KAZN: variants seen among roughly 807,000 people sequenced by gnomAD.
KAZN encodes kazrin.
In KAZN, 40 loss-of-function variants were observed where a neutral mutation model predicts 87.4. The ratio of observed to expected loss-of-function variants is 0.46; its 90% confidence interval spans 0.36 to 0.60. The LOEUF is 0.60. Ranked by LOEUF, KAZN falls within the 20% of genes least tolerant of loss-of-function variation. The probability of loss-of-function intolerance (pLI) is 0.00; values close to 1 mark genes in which losing one functional copy is unlikely to be tolerated. For missense variants in KAZN, 898 were observed against 1,073.9 expected (o/e 0.84, Z 2.29); for synonymous variants, 466 against 458.3 (o/e 1.02, Z -0.22).
chr1:14,930,898 G>A (rs1392658563), intron 1 of KAZN, among the ~76,000 whole-genome samples: 3 of 152,190 alleles, frequency 2.0e-5, no homozygotes, highest in African/African-American at 7.2e-5. Flanking sequence ...CTGTCAACAG[G>A]AGACTCTGCC....
At chr1:14,634,510 C>T (rs1161325575) in intron 1 of KAZN, among the ~76,000 whole-genome samples, 1 of 152,236 alleles carries the variant, frequency 6.6e-6, no homozygotes, top group Non-Finnish European at 1.5e-5. Flanking sequence ...CTTCTCATTT[C>T]TGATCATTCA....
intron 1 of KAZN, among the ~76,000 whole-genome samples, chr1:14,047,812 G>A (rs533215508): frequency 2.0e-5 from 3 of 151,556 alleles, no homozygotes; most frequent in African/African-American, 4.8e-5. Context: ...AGGTTGCAGT[G>A]AGCTGAGATC....
rs143724184 is a variant in KAZN at position 14,202,180 on chromosome 1, G to T, written c.249+21588G>T. On this transcript the variant is annotated intron_variant, in intron 2 of 16. Coordinates refer to the KAZN transcript ENST00000636203. ...CACACAGGGTGAGTCCTGGAGGCAG[G>T]ATTAGAACCAAGGCTGGCTCAGGAG... Among the ~76,000 whole-genome samples the T allele has an allele frequency of 5.9e-5, 9 of 152,296 alleles. No homozygotes were observed. In the East Asian group the frequency reaches 1.7e-3, roughly 29 times the overall value.
intron 1 of KAZN, among the ~76,000 whole-genome samples, chr1:14,815,374 A>G (rs1646532041): frequency 6.6e-6 from 1 of 152,226 alleles, no homozygotes; most frequent in Non-Finnish European, 1.5e-5. Context: ...AGGTTAAATA[A>G]ACACTAGACT....
intron 2 of KAZN, among the ~76,000 whole-genome samples, chr1:14,201,030 T>C (rs1002566139): frequency 4.6e-5 from 7 of 152,158 alleles, no homozygotes; most frequent in Non-Finnish European, 1.5e-5. Flanking sequence ...CCTCTCCTGG[T>C]GCATGGCCTC....
chr1:14,647,036 G>C (rs946681040), intron 1 of KAZN, among the ~76,000 whole-genome samples: 2 of 152,124 alleles, frequency 1.3e-5, no homozygotes, highest in Non-Finnish European at 2.9e-5. Flanking sequence ...ACTTGGCAGA[G>C]GAAGACCGAG....
At chr1:14,939,808 C>T (rs892422476) in intron 1 of KAZN, among the ~76,000 whole-genome samples, 3 of 152,160 alleles carry the variant, frequency 2.0e-5, no homozygotes, top group African/African-American at 7.2e-5. Flanking sequence ...GAGGTCCCTG[C>T]CAGGCTGGAC....
intron 2 of KAZN, among the ~76,000 whole-genome samples, chr1:14,484,737 A>T (rs942242089): frequency 1.3e-5 from 2 of 152,212 alleles, no homozygotes; most frequent in African/African-American, 4.8e-5. Context: ...CAGCCATGCG[A>T]TCTTGGCTGG....
Position 15,021,153 on chromosome 1 carries a change from C to T in KAZN, c.419-13596C>T, listed in dbSNP as rs1262907846. On this transcript the variant is annotated intron_variant, in intron 2 of 14. Coordinates refer to ENST00000376030, the MANE Select transcript of KAZN (RefSeq NM_201628.3). This position sits in a 1 kb window ranked among gnomAD's most constrained non-coding sequence, Gnocchi z 4.2. ...AGGCCACACAGCATGCGGGTTTGCACCCCAGTGTCCTGCCTCCCTGTCCAC... is the reference window on the plus strand; with the variant it reads ...AGGCCACACAGCATGCGGGTTTGCATCCCAGTGTCCTGCCTCCCTGTCCAC... 1.3e-5 allele frequency among the ~76,000 whole-genome samples: 2 copies of T among 152,136 alleles called. No individual in the cohort carries two copies. Among genetic ancestry groups the T allele is most frequent in the African/African-American group, 4.8e-5 (2 of 41,410 alleles).
chr1:14,644,431 G>A (rs1337597591), intron 1 of KAZN, among the ~76,000 whole-genome samples: 7 of 146,538 alleles, frequency 4.8e-5, no homozygotes, highest in Admixed American at 1.4e-4. Flanking sequence ...GTGTGATCTC[G>A]GCTCACTGCA....
intron 1 of KAZN, chr1:14,180,325 G>C (rs751831129): frequency 4.2e-5 from 37 of 880,668 alleles, no homozygotes; most frequent in Admixed American, 5.4e-5. Flanking sequence ...ATACATGCCT[G>C]GCTTAGACCT....
intron 1 of KAZN, among the ~76,000 whole-genome samples, chr1:14,165,077 C>T (rs78336953): frequency 0.03 from 4,576 of 152,282 alleles, 227 homozygotes; most frequent in African/African-American, 0.1. Flanking sequence ...TCGATGACAT[C>T]TGTGCAATTT....
At chr1:15,003,949 T>C (rs1668756983) in intron 2 of KAZN, among the ~76,000 whole-genome samples, 8 of 152,158 alleles carry the variant, frequency 5.3e-5, no homozygotes. Context: ...GGTCCTGGCC[T>C]CTGCTGGGGG....
chr1:14,712,376 C>T (rs894559893), intron 1 of KAZN, among the ~76,000 whole-genome samples: 3 of 152,130 alleles, frequency 2.0e-5, no homozygotes, highest in African/African-American at 7.2e-5. Context: ...TCCAACAGTC[C>T]TTGTCTGTGT....
chr1:14,723,538 G>A (rs917452302), intron 1 of KAZN, among the ~76,000 whole-genome samples: 28 of 152,198 alleles, frequency 1.8e-4, no homozygotes, highest in African/African-American at 5.3e-4. Context: ...TGGCCACGAT[G>A]GGGAATGAGG....
At chr1:14,818,150 C>T (rs12033643) in intron 1 of KAZN, among the ~76,000 whole-genome samples, 2 of 152,228 alleles carry the variant, frequency 1.3e-5, no homozygotes, top group Admixed American at 6.5e-5. Context: ...ACTGTTTGAG[C>T]GACATGTTTG....
chr1:14,826,435 T>C (rs1358082577), intron 1 of KAZN, among the ~76,000 whole-genome samples: 1 of 152,232 alleles, frequency 6.6e-6, no homozygotes, highest in South Asian at 2.1e-4. Flanking sequence ...CACTCAAGCC[T>C]GAGCCACCCT....
At chr1:15,032,909 A>T (rs374464507) in intron 2 of KAZN, among the ~76,000 whole-genome samples, 1 of 152,054 alleles carries the variant, frequency 6.6e-6, no homozygotes, top group Non-Finnish European at 1.5e-5. Context: ...AAATCGCGGC[A>T]CTGTACTCCA....
At chr1:14,447,590 A>G (rs1368046736) in intron 2 of KAZN, among the ~76,000 whole-genome samples, 2 of 152,090 alleles carry the variant, frequency 1.3e-5, no homozygotes, top group Non-Finnish European at 2.9e-5. Context: ...GGCAATGTCC[A>G]TCCTCTGCTT....
Sources: allele counts gnomAD v4.1 joint callset (sites outside exome capture counted in the v4.1 genomes callset), GRCh38; gene constraint gnomAD v4.1.1; non-coding constraint Gnocchi (gnomAD v3.1); transcripts MANE v1.5; gene names NCBI Gene and HGNC (gene_info 2026-07-23, HGNC 2026-07-21).